GRID2: variants seen among roughly 807,000 people sequenced by gnomAD.
GRID2 encodes glutamate ionotropic receptor delta type subunit 2.
A neutral mutation model predicts 114.8 loss-of-function variants in GRID2; 33 were observed. The ratio of observed to expected loss-of-function variants is 0.29; its 90% confidence interval spans 0.22 to 0.38. The LOEUF (loss-of-function observed/expected upper bound fraction) is 0.38, where lower values mean the gene tolerates loss of function less well. Ranked by LOEUF, GRID2 falls within the 10% of genes least tolerant of loss-of-function variation. GRID2 has a pLI of 1.00. For missense variants in GRID2, 1,184 were observed against 1,257.7 expected (o/e 0.94, Z 0.89); for synonymous variants, 505 against 449.9 (o/e 1.12, Z -1.55).
chr4:93,745,434 G>A (rs972641749), intron 14 of GRID2, among the ~76,000 whole-genome samples: 6 of 152,080 alleles, frequency 3.9e-5, no homozygotes, highest in Non-Finnish European at 8.8e-5. Context: ...AGATTACACA[G>A]CAGAGGCTGA....
At chr4:93,500,276 G>A (rs1004745933) in intron 12 of GRID2, among the ~76,000 whole-genome samples, 4 of 151,940 alleles carry the variant, frequency 2.6e-5, no homozygotes, top group African/African-American at 7.2e-5. Context: ...CATAGGTTTA[G>A]TGTAGTGTTT....
At chr4:93,214,480 T>A (rs558897563) in intron 5 of GRID2, among the ~76,000 whole-genome samples, 1 of 152,208 alleles carries the variant, frequency 6.6e-6, no homozygotes, top group South Asian at 2.1e-4. Flanking sequence ...AGTTTTCATA[T>A]CACTGTTAAA....
intron 1 of GRID2, among the ~76,000 whole-genome samples, chr4:92,463,291 G>A (rs941615868): frequency 1.3e-5 from 2 of 151,712 alleles, no homozygotes; most frequent in Admixed American, 6.6e-5. Flanking sequence ...TTTTCTTTAA[G>A]GCCTCTTGCC....
At chr4:93,059,986 C>T (rs1046028643) in intron 2 of GRID2, among the ~76,000 whole-genome samples, 4 of 151,888 alleles carry the variant, frequency 2.6e-5, no homozygotes, top group East Asian at 3.9e-4. Flanking sequence ...TGCCCACAGA[C>T]TATTTTTTTT....
intron 1 of GRID2, among the ~76,000 whole-genome samples, chr4:92,439,178 GC>G (rs1338713110): frequency 6.6e-6 from 1 of 152,038 alleles, no homozygotes; most frequent in African/African-American, 2.4e-5. Flanking sequence ...CAGTGGGGGT[GC>G]TTTTTGAGCC....
rs1017843271 is a variant in GRID2 at position 93,768,935 on chromosome 4, CAGA to C, written c.2361-264_2361-262del. Among the ~76,000 whole-genome samples, 8 of 141,900 alleles carry C rather than the reference CAGA, an allele frequency of 5.6e-5. No individual in the cohort carries two copies. The South Asian group carries it at 8.7e-4, about 15-fold the overall frequency. 93.1% of individuals were successfully genotyped at this position (141,900 alleles called of 152,430 possible). A position where few individuals can be genotyped will look rare whatever the true frequency, so the allele number is the denominator to read the frequency against. On this transcript the variant is annotated intron_variant, in intron 14 of 15. Transcript: ENST00000282020. ...AATATTTAGAATTATAGAATGAAAC[CAGA>C]AGAAGAAGAATAGGAAGAAAAGGAG...
intron 2 of GRID2, among the ~76,000 whole-genome samples, chr4:92,686,927 A>G (rs1443471059): frequency 1.3e-5 from 2 of 152,014 alleles, no homozygotes; most frequent in African/African-American, 4.8e-5. Context: ...TAAAGTTTGA[A>G]CCTGTTAAGC....
intron 2 of GRID2, among the ~76,000 whole-genome samples, chr4:92,779,198 G>C (rs1054394084): frequency 2.0e-5 from 3 of 151,794 alleles, no homozygotes; most frequent in African/African-American, 7.3e-5. Flanking sequence ...GTGTGTGTGT[G>C]TGTGTGTGTG....
intron 1 of GRID2, among the ~76,000 whole-genome samples, chr4:92,360,403 CAT>C (rs1728555384): frequency 6.6e-6 from 1 of 151,916 alleles, no homozygotes; most frequent in African/African-American, 2.4e-5. Context: ...CCTGTTTATG[CAT>C]TCATGAGTTC....
chr4:93,376,986 AAAT>A (rs1763441142), intron 8 of GRID2, among the ~76,000 whole-genome samples: 1 of 152,218 alleles, frequency 6.6e-6, no homozygotes, highest in Non-Finnish European at 1.5e-5. Context: ...CTAAAAATAA[AAAT>A]AAATTATTCT....
At chr4:92,687,760 C>T (rs569041061) in intron 2 of GRID2, among the ~76,000 whole-genome samples, 55 of 152,016 alleles carry the variant, frequency 3.6e-4, no homozygotes, top group African/African-American at 1.2e-3. Flanking sequence ...ACCCAGGAGG[C>T]GGAGCTTGCA....
intron 10 of GRID2, among the ~76,000 whole-genome samples, chr4:93,436,207 T>TTG (rs572038510): frequency 3.9e-4 from 60 of 152,244 alleles, no homozygotes; most frequent in Non-Finnish European, 6.9e-4. Context: ...TGTGATTTTT[T>TTG]TGTGTGTGTG....
chr4:93,685,549 A>G (rs1185197633), intron 14 of GRID2, among the ~76,000 whole-genome samples: 1 of 152,102 alleles, frequency 6.6e-6, no homozygotes, highest in Non-Finnish European at 1.5e-5. Flanking sequence ...CTTGTTCACC[A>G]TCATAGTTTA....
intron 2 of GRID2, among the ~76,000 whole-genome samples, chr4:92,671,324 C>T (rs1429837087): frequency 6.6e-6 from 1 of 152,032 alleles, no homozygotes. Flanking sequence ...AGCCCCACCG[C>T]CAACACTTGG....
chr4:92,373,874 G>A (rs931447008), intron 1 of GRID2, among the ~76,000 whole-genome samples: 2 of 152,078 alleles, frequency 1.3e-5, no homozygotes, highest in Non-Finnish European at 1.5e-5. Flanking sequence ...AAGGAATAGG[G>A]AAATTAGGTG....
At chr4:92,399,440 C>G (rs1730672056) in intron 1 of GRID2, among the ~76,000 whole-genome samples, 1 of 152,108 alleles carries the variant, frequency 6.6e-6, no homozygotes, top group Non-Finnish European at 1.5e-5. Flanking sequence ...GTCTTTTCAA[C>G]TTGAAGTCAT....
chr4:92,708,905 G>A (rs894189028), intron 2 of GRID2, among the ~76,000 whole-genome samples: 1 of 152,090 alleles, frequency 6.6e-6, no homozygotes, highest in African/African-American at 2.4e-5. Flanking sequence ...CAACAAGAGT[G>A]AAACTCCGTC....
chr4:93,672,275 G>C (rs1045338544), intron 14 of GRID2, among the ~76,000 whole-genome samples: 1 of 152,166 alleles, frequency 6.6e-6, no homozygotes, highest in Non-Finnish European at 1.5e-5. Context: ...CTCCAAGGGG[G>C]AACCCCCCCA....
chr4:92,317,673 G>T (rs1411297615), intron 1 of GRID2, among the ~76,000 whole-genome samples: 1 of 152,164 alleles, frequency 6.6e-6, no homozygotes, highest in Non-Finnish European at 1.5e-5. Flanking sequence ...GTATGCACAG[G>T]CTTGCTGAGA....
Sources: gnomAD v4.1 joint callset for allele counts (sites outside exome capture counted in the v4.1 genomes callset) on GRCh38, gnomAD v4.1.1 for gene constraint, MANE v1.5 for transcripts, NCBI Gene and HGNC (gene_info 2026-07-23, HGNC 2026-07-21) for gene names.